Variants in ATN1 observed in about 807,000 individuals in gnomAD.
ATN1 encodes atrophin-1.
In ATN1, 19 loss-of-function variants were observed where a neutral mutation model predicts 85.8. That is an observed-to-expected ratio of 0.22 (90% CI 0.15 to 0.32). ATN1 has a LOEUF of 0.32. ATN1 is among the 10% of genes least tolerant of loss of function. The probability of loss-of-function intolerance (pLI) is 1.00; values close to 1 mark genes in which losing one functional copy is unlikely to be tolerated. For synonymous variants in ATN1, 674 were observed against 657.0 expected (o/e 1.03, Z -0.39); for missense variants, 1,453 against 1,564.5 (o/e 0.93, Z 1.20).
chr12:6,939,183 A>T lies in ATN1; in HGVS notation c.3214+6A>T. ...GCAAGATGCTATCCATGCAGGTGAG[A>T]CCCCTCCTTCCTTGCCCTGGCCCTT... is the stretch of plus-strand genomic sequence containing the variant. On this transcript the variant is annotated splice_donor_region_variant and intron_variant, in intron 7 of 9. Transcript: ENST00000396684. The T allele has an allele frequency of 6.3e-7, 1 of 1,584,360 alleles. No individual in the cohort carries two copies. Among genetic ancestry groups the T allele is most frequent in the Non-Finnish European group, 8.6e-7 (1 of 1,169,200 alleles).
In ATN1 at chr12:6,937,987, G is replaced by A; in HGVS notation, c.2437G>A (p.Glu813Lys). ...GCGCGAGGCCGAGCAGCGCGCGCGC[G>A]AAGAAAAGGAGCGCGAGCGCGAGCG... ...VRREAEQRAR[E>K]EKERERERER... Residue 813 changes from glutamate (E) to lysine (K), a missense_variant, in exon 6 of 10, where the codon GAA (glutamate) becomes AAA (lysine). Coordinates refer to ENST00000396684, the MANE Select transcript of ATN1 (RefSeq NM_001940.4). This position sits in a 1 kb window ranked among gnomAD's most constrained non-coding sequence, Gnocchi z 6.0. The A allele has an allele frequency of 6.5e-7, 1 of 1,549,640 alleles. No individual in the cohort carries two copies. The highest frequency in any genetic ancestry group is 1.2e-5 in the South Asian group (1 of 84,162).
rs1555144121 is a variant in ATN1, at chr12:6,938,004, G to C, written c.2454G>C (p.Glu818Asp). The stretch of plus-strand genomic sequence containing the variant: ...GCGCGCGCGAAGAAAAGGAGCGCGA[G>C]CGCGAGCGGGAACGCGAGAAAGAGC... ...EQRAREEKER[E>D]REREREKERE... Residue 818 changes from glutamate to aspartate, a missense_variant, in exon 6 of 10, where the codon GAG becomes GAC. By Grantham distance (45) the Glu-to-Asp change is conservative (BLOSUM62 2). Transcript: ENST00000396684. The C allele has an allele frequency of 6.5e-7, 1 of 1,542,588 alleles. No individual in the cohort carries two copies. The highest frequency in any genetic ancestry group is 1.2e-5 in the South Asian group (1 of 83,754).
intron 7 of ATN1, among the ~76,000 whole-genome samples, chr12:6,939,740 G>T (rs967015611): frequency 2.0e-5 from 3 of 152,096 alleles, no homozygotes; most frequent in Non-Finnish European, 4.4e-5. Flanking sequence ...TGAGCTCAAA[G>T]CGATCCACCC....
Position 6,937,740 on chromosome 12 carries a change from G to T in ATN1, c.2295-105G>T. 10 of 1,458,332 alleles carry T rather than the reference G, an allele frequency of 6.9e-6. No individual in the cohort carries two copies. Among genetic ancestry groups the T allele is most frequent in the Non-Finnish European group, 9.0e-6 (10 of 1,108,202 alleles). 90.3% of individuals were successfully genotyped at this position (1,458,332 alleles called of 1,614,324 possible). A position where few individuals can be genotyped will look rare whatever the true frequency, so the allele number is the denominator to read the frequency against. On this transcript the variant is annotated intron_variant, in intron 5 of 9. Transcript: ENST00000396684. The surrounding 1 kb of genome is among the most constrained non-coding windows in gnomAD (Gnocchi z 6.0). Reference sequence around the variant, plus strand: ...CCGCAGCAGCTCACAGCCTGCAGGGGTGGTTTTGAGGCGGGGGCTACAAGC... The same window carrying T: ...CCGCAGCAGCTCACAGCCTGCAGGGTTGGTTTTGAGGCGGGGGCTACAAGC...
At position 6,935,407 on chromosome 12, in the gene ATN1, A is replaced by G; in HGVS notation, c.280-140A>G. 1 of 902,450 alleles carries G rather than the reference A, an allele frequency of 1.1e-6. No homozygotes were observed. The highest frequency in any genetic ancestry group is 1.6e-6 in the Non-Finnish European group (1 of 615,336). 55.9% of individuals were successfully genotyped at this position (902,450 alleles called of 1,614,324 possible). On this transcript the variant is annotated intron_variant, in intron 4 of 9. Transcript: ENST00000396684. This position sits in a 1 kb window ranked among gnomAD's most constrained non-coding sequence, Gnocchi z 5.3. ...AAGTGAGAAATCCCCAGATGGTAAGAGGTGGGCTTGAGCAAGAGTACTCAC... is the reference window on the plus strand; with the variant it reads ...AAGTGAGAAATCCCCAGATGGTAAGGGGTGGGCTTGAGCAAGAGTACTCAC...
At chr12:6,924,562 T>A (rs1334184711), upstream of ATN1, 1 of 152,534 alleles carries the variant, frequency 6.6e-6, no homozygotes, top group Non-Finnish European at 1.5e-5. Flanking sequence ...CCCTCTGCCA[T>A]CCTGCCCAGC....
At position 6,941,292 on chromosome 12, in the gene ATN1, G is replaced by C; in HGVS notation, c.3359-82G>C. The C allele has an allele frequency of 6.8e-7, 1 of 1,477,318 alleles. No homozygotes were observed. The highest frequency in any genetic ancestry group is 9.1e-7 in the Non-Finnish European group (1 of 1,097,610). The allele number at this position is 1,477,318 out of a possible 1,614,324, so 91.5% of individuals were successfully genotyped here. On this transcript the variant is annotated intron_variant, in intron 8 of 9. Coordinates refer to ENST00000396684, the MANE Select transcript of ATN1 (RefSeq NM_001940.4). This position sits in a 1 kb window ranked among gnomAD's most constrained non-coding sequence, Gnocchi z 5.9. ...ACTTTTTAGTTCATTACCTTTGTATGTAAAGGAGCTGGCTATCCCCTGGTC... is the reference window on the plus strand; with the variant it reads ...ACTTTTTAGTTCATTACCTTTGTATCTAAAGGAGCTGGCTATCCCCTGGTC...
Position 6,936,497 on chromosome 12 carries a change from C to T in ATN1, c.1230C>T (p.His410=). 1 of 1,600,866 alleles carries T rather than the reference C, an allele frequency of 6.2e-7. No homozygotes were observed. The highest frequency in any genetic ancestry group is 8.5e-7 in the Non-Finnish European group (1 of 1,176,184). Residue 410 remains histidine, a synonymous_variant, in exon 5 of 10, where the codon CAC becomes CAT. Coordinates refer to ENST00000396684, the MANE Select transcript of ATN1 (RefSeq NM_001940.4). ...PASQALPSYP[H]SFPPPTSLSV... ...CCCAGGCATTGCCCAGCTACCCCCA[C>T]TCTTTCCCTCCCCCAACAAGCCTCT...
Position 6,935,483 on chromosome 12 carries a change from G to C in ATN1, c.280-64G>C, listed in dbSNP as rs1945518897. On this transcript the variant is annotated intron_variant, in intron 4 of 9. Coordinates refer to ENST00000396684, the MANE Select transcript of ATN1 (RefSeq NM_001940.4). The surrounding 1 kb of genome is among the most constrained non-coding windows in gnomAD (Gnocchi z 5.3). ...TGAGGGGAAATGATTTTATGCAAGAGAGCCCCAAATCTCAGGGAAGCAGGA... is the reference window on the plus strand; with the variant it reads ...TGAGGGGAAATGATTTTATGCAAGACAGCCCCAAATCTCAGGGAAGCAGGA... 7.3e-7 allele frequency: 1 copy of C among 1,368,074 alleles called. No homozygotes were observed. Among genetic ancestry groups the C allele is most frequent in the Non-Finnish European group, 9.5e-7 (1 of 1,057,704 alleles). The allele number at this position is 1,368,074 out of a possible 1,614,324, so 84.7% of individuals were successfully genotyped here. A position where few individuals can be genotyped will look rare whatever the true frequency, so the allele number is the denominator to read the frequency against.
At chr12:6,940,649 C>T (rs1945621764) in intron 7 of ATN1, among the ~76,000 whole-genome samples, 2 of 152,162 alleles carry the variant, frequency 1.3e-5, no homozygotes, top group African/African-American at 4.8e-5. Flanking sequence ...CCCCTCAGAC[C>T]CTTCTGATGA....
chr12:6,942,185 C>T lies in ATN1; in HGVS notation c.*405C>T, dbSNP rs782467010. ...TGCCCCTCCCCGATCCCTGTGTGCG[C>T]GCCCCCTCTGCAATGTATGCCCCTT... On this transcript the variant is annotated 3_prime_UTR_variant, in exon 10 of 10. Coordinates refer to ENST00000396684, the MANE Select transcript of ATN1 (RefSeq NM_001940.4). The T allele has an allele frequency of 2.6e-5, 6 of 229,968 alleles. No homozygotes were observed. Among genetic ancestry groups the T allele is most frequent in the Non-Finnish European group, 4.4e-5 (5 of 114,004 alleles). 14.2% of individuals were successfully genotyped at this position (229,968 alleles called of 1,614,324 possible). A position where few individuals can be genotyped will look rare whatever the true frequency, so the allele number is the denominator to read the frequency against.
At position 6,934,226 on chromosome 12, in the gene ATN1, A is replaced by G; in HGVS notation, c.78A>G (p.Glu26=). 1 of 1,591,102 alleles carries G rather than the reference A, an allele frequency of 6.3e-7. No homozygotes were observed. The highest frequency in any genetic ancestry group is 8.5e-7 in the Non-Finnish European group (1 of 1,174,436). ...AAGAGGCCCCTGGGCCCCGGGAAGA[A>G]CTGAGATCGAGGGGCCGGGCCTCCC... ...RKKEAPGPRE[E]LRSRGRASPG... Residue 26 remains glutamate, a synonymous_variant, in exon 3 of 10, where the codon GAA becomes GAG. Transcript: ENST00000396684. The surrounding 1 kb of genome is among the most constrained non-coding windows in gnomAD (Gnocchi z 4.5).
Position 6,936,999 on chromosome 12 carries a change from A to G in ATN1, c.1732A>G (p.Thr578Ala). Residue 578 changes from threonine (T) to alanine (A), a missense_variant, in exon 5 of 10, where the codon ACT (threonine) becomes GCT (alanine). Transcript: ENST00000396684. ...VSSSSNSSSSTSQGSYPCSHP... is the reference protein window; with the variant it reads ...VSSSSNSSSSASQGSYPCSHP... ...TTCCTCTTCCAACTCTTCCTCTTCC[A>G]CTTCTCAAGGGTCCTACCCATGTTC... 1 of 1,612,512 alleles carries G rather than the reference A, an allele frequency of 6.2e-7. No homozygotes were observed. Among genetic ancestry groups the G allele is most frequent in the Non-Finnish European group, 8.5e-7 (1 of 1,179,320 alleles).
chr12:6,937,650 CG>C lies in ATN1; in HGVS notation c.2294+90del. 1 of 1,429,442 alleles carries C rather than the reference CG, an allele frequency of 7.0e-7. No homozygotes were observed. The highest frequency in any genetic ancestry group is 2.8e-5 in the Admixed American group (1 of 35,454). The allele number at this position is 1,429,442 out of a possible 1,614,324, so 88.5% of individuals were successfully genotyped here. On this transcript the variant is annotated intron_variant, in intron 5 of 9. Coordinates refer to ENST00000396684, the MANE Select transcript of ATN1 (RefSeq NM_001940.4). This position sits in a 1 kb window ranked among gnomAD's most constrained non-coding sequence, Gnocchi z 6.0. Reference sequence around the variant, plus strand: ...GAGGGAGTAGCAGGGAGGGGCCTTGCGCTGGTGTAGTGTTTTAGAAAAGCAC... The same window carrying C: ...GAGGGAGTAGCAGGGAGGGGCCTTGCCTGGTGTAGTGTTTTAGAAAAGCAC...
chr12:6,940,569 C>T (rs1297790614), intron 7 of ATN1, among the ~76,000 whole-genome samples: 1 of 152,140 alleles, frequency 6.6e-6, no homozygotes, highest in Non-Finnish European at 1.5e-5. Flanking sequence ...TGCCCGGCCT[C>T]TTCTTGTCTT....
chr12:6,941,242 C>A lies in ATN1; in HGVS notation c.3359-132C>A. On this transcript the variant is annotated intron_variant, in intron 8 of 9. Transcript: ENST00000396684. This position sits in a 1 kb window ranked among gnomAD's most constrained non-coding sequence, Gnocchi z 5.9. ...CCCAATTCCACCCTACCACTGGCAACTTACAGAACTGGGTGTGTTACCTCA... is the reference window on the plus strand; with the variant it reads ...CCCAATTCCACCCTACCACTGGCAAATTACAGAACTGGGTGTGTTACCTCA... 7.9e-7 allele frequency: 1 copy of A among 1,269,386 alleles called. No individual in the cohort carries two copies. Among genetic ancestry groups the A allele is most frequent in the Non-Finnish European group, 1.1e-6 (1 of 922,046 alleles). 78.6% of individuals were successfully genotyped at this position (1,269,386 alleles called of 1,614,324 possible).
intron 1 of ATN1, among the ~76,000 whole-genome samples, chr12:6,930,831 A>G (rs1475038948): frequency 1.3e-5 from 2 of 152,008 alleles, no homozygotes; most frequent in Non-Finnish European, 2.9e-5. Context: ...AATAAATAAA[A>G]TAAAGCAAGG....
intron 1 of ATN1, among the ~76,000 whole-genome samples, chr12:6,931,065 C>G (rs1555142999): frequency 5.3e-5 from 8 of 152,108 alleles, no homozygotes. Context: ...CTTCTCATTG[C>G]TAGTTTTTAT....
Position 6,935,749 on chromosome 12 carries a change from C to A in ATN1, c.482C>A (p.Pro161Gln). Residue 161 changes from proline to glutamine, a missense_variant, in exon 5 of 10, where the codon CCA becomes CAA. Transcript: ENST00000396684. The surrounding 1 kb of genome is among the most constrained non-coding windows in gnomAD (Gnocchi z 5.3). The stretch of plus-strand genomic sequence containing the variant: ...CAGGGCCCAGCCCGCCCCTACCACC[C>A]ACCTCCACTCTTTCCTCCTTCCCCT... ...LSQGPARPYH[P>Q]PPLFPPSPQP... 6.2e-7 allele frequency: 1 copy of A among 1,613,888 alleles called. No individual in the cohort carries two copies. The highest frequency in any genetic ancestry group is 2.2e-5 in the East Asian group (1 of 44,872).
Sources: gnomAD v4.1 joint callset for allele counts (sites outside exome capture counted in the v4.1 genomes callset) on GRCh38, gnomAD v4.1.1 for gene constraint, Gnocchi (gnomAD v3.1) non-coding constraint, MANE v1.5 for transcripts, NCBI Gene and HGNC (gene_info 2026-07-23, HGNC 2026-07-21) for gene names.